NR2F1-AS1: variants seen among roughly 807,000 people sequenced by gnomAD.
NR2F1-AS1 encodes the protein NR2F1 antisense RNA 1.
intron 4 of NR2F1-AS1, among the ~76,000 whole-genome samples, chr5:93,427,191 T>A (rs963694216): frequency 6.6e-6 from 1 of 152,054 alleles, no homozygotes; most frequent in Non-Finnish European, 1.5e-5. Flanking sequence ...GTGAAAAAAA[T>A]TTAAAGAACA....
At chr5:93,526,798 C>T (rs996048463) in intron 4 of NR2F1-AS1, among the ~76,000 whole-genome samples, 1 of 152,114 alleles carries the variant, frequency 6.6e-6, no homozygotes, top group African/African-American at 2.4e-5. Context: ...ATTTAACACC[C>T]CTTCACGCTA....
chr5:93,411,363 G>A (rs1024745390), intron 4 of NR2F1-AS1: 2 of 152,138 alleles, frequency 1.3e-5, no homozygotes, highest in African/African-American at 2.4e-5. Flanking sequence ...TGTCCACTGC[G>A]GCATTCTTAA....
chr5:93,518,711 C>T (rs1348841305), intron 4 of NR2F1-AS1, among the ~76,000 whole-genome samples: 1 of 151,960 alleles, frequency 6.6e-6, no homozygotes, highest in Non-Finnish European at 1.5e-5. Context: ...AAATAATATG[C>T]ATTTTGAAAG....
At chr5:93,418,887 T>C (rs1163802301) in intron 4 of NR2F1-AS1, among the ~76,000 whole-genome samples, 1 of 152,208 alleles carries the variant, frequency 6.6e-6, no homozygotes, top group East Asian at 1.9e-4. Flanking sequence ...GACTATTCAA[T>C]GTCATAGCAA....
intron 1 of NR2F1-AS1, among the ~76,000 whole-genome samples, chr5:93,571,812 A>G (rs1474236394): frequency 6.6e-6 from 1 of 152,038 alleles, no homozygotes; most frequent in Non-Finnish European, 1.5e-5. Context: ...TAGGGACACC[A>G]CAGCTCACAT....
At chr5:93,462,844 G>A (rs1166239777) in intron 4 of NR2F1-AS1, among the ~76,000 whole-genome samples, 1 of 152,158 alleles carries the variant, frequency 6.6e-6, no homozygotes, top group Admixed American at 6.5e-5. Flanking sequence ...GTATCTGGCA[G>A]AAGAAATTTC....
chr5:93,550,784 AC>A (rs1299762278), intron 4 of NR2F1-AS1, among the ~76,000 whole-genome samples: 2 of 152,208 alleles, frequency 1.3e-5, no homozygotes, highest in African/African-American at 4.8e-5. Context: ...ATCTCTTATT[AC>A]TGTTACAAGA....
At chr5:93,490,593 T>C (rs958696848) in intron 4 of NR2F1-AS1, among the ~76,000 whole-genome samples, 5 of 139,106 alleles carry the variant, frequency 3.6e-5, no homozygotes, top group Admixed American at 2.1e-4. Flanking sequence ...GTGGTGATGG[T>C]GGTGGTGGCG....
chr5:93,461,970 T>G (rs1750104337), intron 4 of NR2F1-AS1, among the ~76,000 whole-genome samples: 1 of 152,184 alleles, frequency 6.6e-6, no homozygotes, highest in African/African-American at 2.4e-5. Context: ...CTGCAACTAT[T>G]TAAACAAGTT....
At chr5:93,474,952 C>G (rs1019486089) in intron 4 of NR2F1-AS1, among the ~76,000 whole-genome samples, 5 of 151,962 alleles carry the variant, frequency 3.3e-5, no homozygotes, top group African/African-American at 1.2e-4. Flanking sequence ...GGTGAAACCC[C>G]GTCTCTACTA....
intron 4 of NR2F1-AS1, chr5:93,432,484 T>C (rs1749347609): frequency 6.6e-6 from 1 of 152,118 alleles, no homozygotes; most frequent in South Asian, 2.1e-4. Context: ...ACATAGAGGG[T>C]ACCTAAGTAG....
At chr5:93,534,815 A>G (rs1182362224) in intron 4 of NR2F1-AS1, among the ~76,000 whole-genome samples, 5 of 152,154 alleles carry the variant, frequency 3.3e-5, no homozygotes, top group Non-Finnish European at 7.4e-5. Context: ...TCCTATGAAC[A>G]TTTTTAAAGA....
At chr5:93,473,278 T>C (rs1194091792) in intron 4 of NR2F1-AS1, among the ~76,000 whole-genome samples, 1 of 152,000 alleles carries the variant, frequency 6.6e-6, no homozygotes, top group Non-Finnish European at 1.5e-5. Flanking sequence ...AGAGTTTCTT[T>C]CTGAGTAATA....
At chr5:93,547,084 C>T (rs1272099995) in intron 4 of NR2F1-AS1, among the ~76,000 whole-genome samples, 6 of 152,118 alleles carry the variant, frequency 3.9e-5, no homozygotes, top group Non-Finnish European at 7.4e-5. Context: ...TCAGACTTGC[C>T]AGTCCCCACA....
intron 4 of NR2F1-AS1, among the ~76,000 whole-genome samples, chr5:93,498,117 A>C (rs1316579990): frequency 6.6e-6 from 1 of 152,078 alleles, no homozygotes; most frequent in Non-Finnish European, 1.5e-5. Flanking sequence ...TGAGGCCAGG[A>C]ATTTGAGACC....
At chr5:93,462,218 A>G (rs960719968) in intron 4 of NR2F1-AS1, among the ~76,000 whole-genome samples, 2 of 152,006 alleles carry the variant, frequency 1.3e-5, no homozygotes, top group Non-Finnish European at 2.9e-5. Context: ...ACCTGGTGGG[A>G]GGTGATTGAG....
At chr5:93,585,137 C>G (rs986172152), upstream of NR2F1-AS1, 1 of 1,070,676 alleles carries the variant, frequency 9.3e-7, no homozygotes, top group Non-Finnish European at 1.1e-6. Context: ...GCGGCGCCGG[C>G]GAGCAGCAGC....
intron 4 of NR2F1-AS1, among the ~76,000 whole-genome samples, chr5:93,510,652 A>G (rs1186505464): frequency 6.6e-6 from 1 of 152,168 alleles, no homozygotes; most frequent in Non-Finnish European, 1.5e-5. Context: ...CTGATTCTCT[A>G]TATAAGTTGC....
At chr5:93,410,351 C>G (rs1429827397) in intron 4 of NR2F1-AS1, 2 of 152,296 alleles carry the variant, frequency 1.3e-5, no homozygotes, top group Non-Finnish European at 2.9e-5. Context: ...TGGCAGGCCC[C>G]TAGGGCTGGG....
Sources: allele counts gnomAD v4.1 joint callset (sites outside exome capture counted in the v4.1 genomes callset), GRCh38; gene constraint gnomAD v4.1.1; transcripts MANE v1.5; gene names NCBI Gene and HGNC (gene_info 2026-07-23, HGNC 2026-07-21).